Variants in SLC8A1 observed in about 807,000 individuals in gnomAD.
SLC8A1 encodes the protein sodium/calcium exchanger 1.
In SLC8A1, 18 loss-of-function variants were observed where a neutral mutation model predicts 68.3. The ratio of observed to expected loss-of-function variants is 0.26; its 90% CI spans 0.18 to 0.39. The LOEUF is 0.39. Among genes scored for constraint, SLC8A1 ranks in the 10% least tolerant of loss-of-function variants. The pLI is 1.00. For missense variants in SLC8A1, 985 were observed against 1,156.7 expected (o/e 0.85, Z 2.15); for synonymous variants, 475 against 415.5 (o/e 1.14, Z -1.74).
At chr2:40,325,143 A>G (rs1263493297) in intron 2 of SLC8A1, among the ~76,000 whole-genome samples, 1 of 152,194 alleles carries the variant, frequency 6.6e-6, no homozygotes, top group East Asian at 1.9e-4. Context: ...AATTCCTTAT[A>G]GGGAAAACAA....
At chr2:40,412,394 C>A (rs570858076) in intron 2 of SLC8A1, among the ~76,000 whole-genome samples, 1 of 152,100 alleles carries the variant, frequency 6.6e-6, no homozygotes, top group South Asian at 2.1e-4. Flanking sequence ...ATTTTGTAAT[C>A]ATATATTTAC....
At chr2:40,394,501 C>G (rs1248577575) in intron 2 of SLC8A1, among the ~76,000 whole-genome samples, 1 of 151,714 alleles carries the variant, frequency 6.6e-6, no homozygotes, top group Non-Finnish European at 1.5e-5. Flanking sequence ...AGAGCGGTAG[C>G]AAGCAAATGG....
chr2:40,475,777 C>T (rs1704265670), intron 1 of SLC8A1, among the ~76,000 whole-genome samples: 2 of 151,792 alleles, frequency 1.3e-5, no homozygotes, highest in Admixed American at 6.6e-5. Flanking sequence ...TGAGAACTTC[C>T]ATCTTAGAAT....
At chr2:40,378,286 C>G (rs1214257387) in intron 2 of SLC8A1, among the ~76,000 whole-genome samples, 1 of 152,092 alleles carries the variant, frequency 6.6e-6, no homozygotes, top group African/African-American at 2.4e-5. Flanking sequence ...AAAGTGCCAT[C>G]TGAGTAACAG....
At chr2:40,364,851 G>A (rs1675623561) in intron 2 of SLC8A1, among the ~76,000 whole-genome samples, 1 of 151,942 alleles carries the variant, frequency 6.6e-6, no homozygotes, top group Non-Finnish European at 1.5e-5. Context: ...TGAAAGTGCT[G>A]CAATTTTTTT....
chr2:40,452,442 C>T (rs1251644644), upstream of SLC8A1, among the ~76,000 whole-genome samples: 1 of 152,176 alleles, frequency 6.6e-6, no homozygotes, highest in African/African-American at 2.4e-5. Flanking sequence ...CGCGCGCTAG[C>T]GCTGTCTCTC....
exon 8 of SLC8A1, chr2:40,104,168 G>C (rs1471988587): frequency 2.0e-5 from 3 of 152,202 alleles, no homozygotes; most frequent in East Asian, 1.9e-4. Flanking sequence ...GATGAAGAGT[G>C]AGATGTTCTC....
chr2:40,280,441 T>A (rs1359242897), intron 2 of SLC8A1, among the ~76,000 whole-genome samples: 10 of 152,180 alleles, frequency 6.6e-5, no homozygotes, highest in Non-Finnish European at 5.9e-5. Flanking sequence ...TGGATAACTA[T>A]TCTTTCTTGA....
At chr2:40,174,934 G>C in intron 3 of SLC8A1, 92 bp from the exon 5 acceptor site, 4 of 1,154,286 alleles carry the variant, frequency 3.5e-6, no homozygotes, top group Non-Finnish European at 5.1e-6. Flanking sequence ...ACCCACCCAA[G>C]GTACTTGCCA....
At chr2:40,413,147 G>C (rs548112741) in intron 2 of SLC8A1, among the ~76,000 whole-genome samples, 28 of 152,306 alleles carry the variant, frequency 1.8e-4, no homozygotes, top group Non-Finnish European at 2.1e-4. Context: ...TTTTTACACT[G>C]TTGGTGGGAC....
chr2:40,451,448 C>T (rs1013845171), intron 1 of SLC8A1, among the ~76,000 whole-genome samples: 1 of 152,132 alleles, frequency 6.6e-6, no homozygotes, highest in Admixed American at 6.5e-5. Flanking sequence ...GGGGAAAGAC[C>T]CCAGGGATTA....
chr2:40,251,792 T>A (rs2062794636), intron 2 of SLC8A1: 5 of 152,166 alleles, frequency 3.3e-5, no homozygotes, highest in Admixed American at 2.6e-4. Context: ...TCATATGACT[T>A]TCGTCTCTCT....
At chr2:40,428,923 G>A in exon 2 of SLC8A1, 15 of 1,613,788 alleles carry the variant, frequency 9.3e-6, no homozygotes, top group African/African-American at 1.3e-5. Flanking sequence ...ATCAGACCCA[G>A]CATTTGCTGT....
chr2:40,418,205 T>A (rs1203670645), intron 2 of SLC8A1, among the ~76,000 whole-genome samples: 1 of 152,178 alleles, frequency 6.6e-6, no homozygotes, highest in Non-Finnish European at 1.5e-5. Flanking sequence ...GGACTTAATA[T>A]TCTTTACATT....
At chr2:40,263,669 C>G (rs1333890470) in intron 2 of SLC8A1, among the ~76,000 whole-genome samples, 1 of 152,078 alleles carries the variant, frequency 6.6e-6, no homozygotes. Flanking sequence ...ATGTAGAAAG[C>G]TGAAACTGGA....
intron 2 of SLC8A1, among the ~76,000 whole-genome samples, chr2:40,299,657 TCCC>T (rs1441986519): frequency 6.6e-6 from 1 of 152,066 alleles, no homozygotes; most frequent in Non-Finnish European, 1.5e-5. Context: ...GCCTAAATCC[TCCC>T]CCACCTTCAA....
chr2:40,350,182 T>C (rs1670614457), intron 2 of SLC8A1, among the ~76,000 whole-genome samples: 1 of 152,176 alleles, frequency 6.6e-6, no homozygotes, highest in Non-Finnish European at 1.5e-5. Context: ...CTTAAAACTA[T>C]CAACGACGCC....
At chr2:40,184,393 T>G (rs967520208) in intron 2 of SLC8A1, among the ~76,000 whole-genome samples, 3 of 152,188 alleles carry the variant, frequency 2.0e-5, no homozygotes, top group African/African-American at 7.2e-5. Context: ...TTTTGTCTTT[T>G]ACTCCTGCTC....
At chr2:40,136,151 G>A (rs1181406782) in intron 7 of SLC8A1, among the ~76,000 whole-genome samples, 1 of 152,176 alleles carries the variant, frequency 6.6e-6, no homozygotes, top group Non-Finnish European at 1.5e-5. Flanking sequence ...GGCTACTTGG[G>A]AAGCCTCTTT....
Sources: allele counts gnomAD v4.1 joint callset (sites outside exome capture counted in the v4.1 genomes callset), GRCh38; gene constraint gnomAD v4.1.1; transcripts MANE v1.5; gene names NCBI Gene and HGNC (gene_info 2026-07-23, HGNC 2026-07-21).